Variants in CTNNA2 observed in about 807,000 individuals in gnomAD.
CTNNA2 encodes the protein catenin alpha-2.
A neutral mutation model predicts 101.0 loss-of-function variants in CTNNA2; 42 were observed. That is an observed-to-expected ratio of 0.42 (90% CI 0.32 to 0.54). The LOEUF (loss-of-function observed/expected upper bound fraction) is 0.54. CTNNA2 is among the 20% of genes least tolerant of loss of function. CTNNA2 has a pLI of 0.14. For synonymous variants in CTNNA2, 450 were observed against 456.4 expected (o/e 0.99, Z 0.18); for missense variants, 871 against 1,223.1 (o/e 0.71, Z 4.29).
At chr2:79,394,959 T>C (rs536693993) in intron 4 of CTNNA2, among the ~76,000 whole-genome samples, 1 of 152,238 alleles carries the variant, frequency 6.6e-6, no homozygotes, top group African/African-American at 2.4e-5. Flanking sequence ...GAAGGCTCTT[T>C]GGGTTTGTGC....
intron 18 of CTNNA2, among the ~76,000 whole-genome samples, chr2:80,633,578 G>A (rs1186277448): frequency 6.6e-6 from 1 of 152,146 alleles, no homozygotes; most frequent in Non-Finnish European, 1.5e-5. Flanking sequence ...AAGACTTAGG[G>A]CAGGAAAAGC....
intron 3 of CTNNA2, among the ~76,000 whole-genome samples, chr2:79,340,872 A>G (rs116781049): frequency 0.023 from 3,425 of 147,082 alleles, 139 homozygotes; most frequent in African/African-American, 0.082. Context: ...AAAAAGAAAC[A>G]CATGAGTACA....
intron 2 of CTNNA2, among the ~76,000 whole-genome samples, chr2:79,210,925 G>A (rs1674163524): frequency 6.6e-6 from 1 of 152,008 alleles, no homozygotes; most frequent in African/African-American, 2.4e-5. Flanking sequence ...CTCCCGCCTG[G>A]GGGAGGAAAA....
At chr2:79,950,153 C>A (rs1354201868) in intron 7 of CTNNA2, among the ~76,000 whole-genome samples, 11 of 149,550 alleles carry the variant, frequency 7.4e-5, no homozygotes, top group South Asian at 4.3e-4. Context: ...AAAAAAAAAA[C>A]CATAAACTAA....
At chr2:80,606,920 A>G (rs1386342512) in intron 16 of CTNNA2, among the ~76,000 whole-genome samples, 2 of 151,860 alleles carry the variant, frequency 1.3e-5, no homozygotes, top group Non-Finnish European at 2.9e-5. Flanking sequence ...CTTTCCGTGT[A>G]TGGGTCCCTG....
chr2:80,634,722 G>C (rs1258588271), intron 18 of CTNNA2, among the ~76,000 whole-genome samples: 2 of 152,104 alleles, frequency 1.3e-5, no homozygotes, highest in Non-Finnish European at 2.9e-5. Flanking sequence ...CTGAGAAGTT[G>C]GCCAAGTGGA....
intron 2 of CTNNA2, among the ~76,000 whole-genome samples, chr2:79,208,093 C>T (rs777937931): frequency 3.9e-5 from 6 of 152,168 alleles, no homozygotes; most frequent in Non-Finnish European, 5.9e-5. Flanking sequence ...CATAGACTTA[C>T]AGATGATGCA....
At chr2:79,302,769 G>A (rs974185487) in intron 2 of CTNNA2, among the ~76,000 whole-genome samples, 1 of 152,082 alleles carries the variant, frequency 6.6e-6, no homozygotes, top group Non-Finnish European at 1.5e-5. Flanking sequence ...TGCATAAATA[G>A]CTATCATTTC....
chr2:79,603,592 C>G (rs1677690112), intron 1 of CTNNA2, among the ~76,000 whole-genome samples: 1 of 152,082 alleles, frequency 6.6e-6, no homozygotes, highest in South Asian at 2.1e-4. Context: ...TCTGAATACC[C>G]CGTCAGAACA....
chr2:79,843,296 A>C (rs1184341944), intron 3 of CTNNA2, among the ~76,000 whole-genome samples: 1 of 152,232 alleles, frequency 6.6e-6, no homozygotes, highest in Non-Finnish European at 1.5e-5. Context: ...AGATCTATTA[A>C]AAATTACTGA....
At chr2:79,886,286 A>T (rs985957013) in intron 6 of CTNNA2, among the ~76,000 whole-genome samples, 20 of 152,152 alleles carry the variant, frequency 1.3e-4, no homozygotes, top group African/African-American at 4.8e-4. Flanking sequence ...TCATCATTGC[A>T]TGCAGTTGTA....
intron 7 of CTNNA2, among the ~76,000 whole-genome samples, chr2:80,266,289 T>TGAG (rs994204035): frequency 4.6e-5 from 7 of 152,212 alleles, no homozygotes; most frequent in African/African-American, 1.7e-4. Flanking sequence ...GACCTCCATG[T>TGAG]GAGGAGGCTG....
At chr2:80,398,524 A>G (rs1678249173) in intron 8 of CTNNA2, among the ~76,000 whole-genome samples, 1 of 151,964 alleles carries the variant, frequency 6.6e-6, no homozygotes, top group Admixed American at 6.6e-5. Context: ...TGGGATTTGA[A>G]ATACAAGAAA....
upstream of CTNNA2, among the ~76,000 whole-genome samples, chr2:79,508,977 A>G: frequency 2.8e-5 from 1 of 35,544 alleles, no homozygotes. Flanking sequence ...ATATATATAT[A>G]TATATATATA....
intron 4 of CTNNA2, among the ~76,000 whole-genome samples, chr2:79,421,964 C>T (rs1303712183): frequency 2.0e-5 from 3 of 152,088 alleles, no homozygotes; most frequent in Non-Finnish European, 4.4e-5. Context: ...ACCAGCCTGG[C>T]CAACATGGTG....
At chr2:79,775,700 A>G (rs1454199307) in intron 3 of CTNNA2, among the ~76,000 whole-genome samples, 4 of 152,232 alleles carry the variant, frequency 2.6e-5, no homozygotes, top group South Asian at 4.2e-4. Flanking sequence ...CCATTTTTTT[A>G]TGTTTTCGAA....
At chr2:79,953,391 C>T (rs760157192) in intron 7 of CTNNA2, among the ~76,000 whole-genome samples, 30 of 152,174 alleles carry the variant, frequency 2.0e-4, no homozygotes, top group Admixed American at 1.1e-3. Context: ...GGTATGTACG[C>T]CTGAGTTCAC....
intron 17 of CTNNA2, among the ~76,000 whole-genome samples, chr2:80,610,285 G>A (rs377196168): frequency 1.1e-4 from 17 of 151,302 alleles, no homozygotes; most frequent in African/African-American, 3.1e-4. Context: ...GGCCAATGGA[G>A]AAAAAAAATG....
chr2:79,261,673 C>A (rs1275951506), intron 2 of CTNNA2, among the ~76,000 whole-genome samples: 1 of 152,194 alleles, frequency 6.6e-6, no homozygotes, highest in African/African-American at 2.4e-5. Context: ...TCTTATAGGA[C>A]ACCAGATCTT....
Sources: allele counts gnomAD v4.1 joint callset (sites outside exome capture counted in the v4.1 genomes callset), GRCh38; gene constraint gnomAD v4.1.1; transcripts MANE v1.5; gene names NCBI Gene and HGNC (gene_info 2026-07-23, HGNC 2026-07-21).